The following SAMMSON variants were observed in gnomAD, a reference collection of about 807,000 sequenced individuals.
SAMMSON encodes long intergenic non-protein coding RNA 1212.
At chr3:70,300,239 T>C (rs1004042298) in intron 7 of SAMMSON, among the ~76,000 whole-genome samples, 5 of 152,130 alleles carry the variant, frequency 3.3e-5, no homozygotes, top group African/African-American at 1.2e-4. Flanking sequence ...GAAACGCCCT[T>C]GCCCTTGAGT....
chr3:70,180,646 A>G (rs1701045946), intron 4 of SAMMSON, among the ~76,000 whole-genome samples: 1 of 152,172 alleles, frequency 6.6e-6, no homozygotes, highest in Non-Finnish European at 1.5e-5. Context: ...GCCTTCAGAT[A>G]TGCTATACCT....
intron 9 of SAMMSON, among the ~76,000 whole-genome samples, chr3:70,383,538 G>C (rs1340548876): frequency 1.3e-5 from 2 of 151,792 alleles, no homozygotes; most frequent in Non-Finnish European, 2.9e-5. Context: ...TTTAAGTCCC[G>C]GTGTCAGTGC....
At chr3:70,106,970 T>G (rs1206259087) in intron 4 of SAMMSON, among the ~76,000 whole-genome samples, 1 of 152,200 alleles carries the variant, frequency 6.6e-6, no homozygotes, top group Non-Finnish European at 1.5e-5. Context: ...CTGAGTGACA[T>G]CCACAACTCA....
intron 3 of SAMMSON, among the ~76,000 whole-genome samples, chr3:70,024,511 A>G (rs975175205): frequency 1.3e-5 from 2 of 152,180 alleles, no homozygotes; most frequent in African/African-American, 4.8e-5. Context: ...TGTTTGCCCA[A>G]AGACATGGAG....
chr3:70,016,681 T>C (rs1049816314), intron 3 of SAMMSON, among the ~76,000 whole-genome samples: 13 of 152,318 alleles, frequency 8.5e-5, no homozygotes, highest in Middle Eastern at 3.4e-3. Flanking sequence ...TCCTGAATGG[T>C]ATTGCTTAGA....
At chr3:70,007,109 T>C (rs1278158620) in intron 1 of SAMMSON, among the ~76,000 whole-genome samples, 1 of 152,038 alleles carries the variant, frequency 6.6e-6, no homozygotes, top group Non-Finnish European at 1.5e-5. Flanking sequence ...AATAAACATA[T>C]GTGTGCATGT....
intron 3 of SAMMSON, chr3:70,024,791 T>C (rs1270008153): frequency 6.6e-6 from 1 of 152,244 alleles, no homozygotes; most frequent in Non-Finnish European, 1.5e-5. Flanking sequence ...CTAAACTGAA[T>C]AATCTGTTTG....
intron 6 of SAMMSON, among the ~76,000 whole-genome samples, chr3:70,259,521 T>C (rs1318963299): frequency 6.6e-6 from 1 of 152,188 alleles, no homozygotes; most frequent in Non-Finnish European, 1.5e-5. Flanking sequence ...TATTCATGGC[T>C]GTTTCAGAAA....
intron 2 of SAMMSON, among the ~76,000 whole-genome samples, chr3:70,419,740 G>A (rs975667168): frequency 6.6e-6 from 1 of 152,092 alleles, no homozygotes; most frequent in African/African-American, 2.4e-5. Flanking sequence ...CCGGGTTCAC[G>A]CCATTCTCCT....
chr3:70,024,204 A>G (rs558830594), intron 3 of SAMMSON, among the ~76,000 whole-genome samples: 16 of 152,276 alleles, frequency 1.1e-4, no homozygotes, highest in African/African-American at 3.9e-4. Context: ...AATGAGCGGT[A>G]CAAGTCTAGA....
intron 7 of SAMMSON, among the ~76,000 whole-genome samples, chr3:70,320,737 C>A (rs954457698): frequency 6.6e-6 from 1 of 152,046 alleles, no homozygotes; most frequent in African/African-American, 2.4e-5. Context: ...GCTGGCCAAT[C>A]CAATCCTCTC....
At chr3:70,091,575 G>A (rs2067305001) in intron 4 of SAMMSON, among the ~76,000 whole-genome samples, 3 of 152,134 alleles carry the variant, frequency 2.0e-5, no homozygotes, top group African/African-American at 7.2e-5. Flanking sequence ...TAGTCACCTT[G>A]AGCAATTCCC....
At chr3:70,017,317 G>A (rs1375427147) in intron 3 of SAMMSON, among the ~76,000 whole-genome samples, 2 of 151,978 alleles carry the variant, frequency 1.3e-5, no homozygotes, top group South Asian at 2.1e-4. Context: ...CTTGTAAGTT[G>A]GATTCCTAGG....
chr3:70,160,789 TAA>T (rs1169205947), intron 4 of SAMMSON, among the ~76,000 whole-genome samples: 4 of 152,104 alleles, frequency 2.6e-5, no homozygotes, highest in African/African-American at 7.2e-5. Context: ...AATTGGAGCA[TAA>T]TTACCATCTT....
chr3:70,368,162 T>A (rs1278135517), intron 9 of SAMMSON, among the ~76,000 whole-genome samples: 1 of 151,484 alleles, frequency 6.6e-6, no homozygotes, highest in Non-Finnish European at 1.5e-5. Context: ...AGTGCTTTTG[T>A]TATTATATCT....
chr3:70,309,818 C>T (rs1559560459), intron 7 of SAMMSON, among the ~76,000 whole-genome samples: 1 of 152,042 alleles, frequency 6.6e-6, no homozygotes, highest in Non-Finnish European at 1.5e-5. Flanking sequence ...AATGAAGTGT[C>T]CAAATGAGAT....
chr3:70,117,398 A>G (rs1268010134), intron 4 of SAMMSON, among the ~76,000 whole-genome samples: 3 of 152,214 alleles, frequency 2.0e-5, no homozygotes, highest in Non-Finnish European at 1.5e-5. Flanking sequence ...TTTAAAATAG[A>G]TAAATGTCTT....
chr3:70,004,311 T>A (rs1031649216), intron 1 of SAMMSON, among the ~76,000 whole-genome samples: 5 of 152,170 alleles, frequency 3.3e-5, no homozygotes, highest in Middle Eastern at 3.2e-3. Flanking sequence ...TTATAAAAAA[T>A]TCTGTAAAAA....
At position 70,385,344 on chromosome 3, in the gene SAMMSON, A is replaced by C. The variant is rs114413793; in HGVS notation, n.914-4230A>C. Among the ~76,000 whole-genome samples the C allele has an allele frequency of 5.9e-3, 893 of 152,248 alleles. 7 individuals carry two copies. Among genetic ancestry groups the C allele is most frequent in the South Asian group, 0.013 (63 of 4,826 alleles). On this transcript the variant is annotated intron_variant and non_coding_transcript_variant, in intron 9 of 9. Coordinates refer to ENST00000642114, the Ensembl canonical transcript of SAMMSON. ...CCTCATAATCACTATAAATATGTTA[A>C]AGATTGAAGACAAAGGCCAAAATTG... is the stretch of plus-strand genomic sequence containing the variant.
Sources: gnomAD v4.1 joint callset for allele counts (sites outside exome capture counted in the v4.1 genomes callset) on GRCh38, gnomAD v4.1.1 for gene constraint, MANE v1.5 for transcripts, NCBI Gene and HGNC (gene_info 2026-07-23, HGNC 2026-07-21) for gene names.